Variants in PLAA observed in about 807,000 individuals in gnomAD.
PLAA encodes the protein phospholipase A-2-activating protein.
PLAA carries 48 observed loss-of-function variants against 84.1 expected under a neutral mutation model. The observed-to-expected ratio is 0.57, with a 90% CI of 0.45 to 0.73. The LOEUF is 0.73. Ranked by LOEUF, PLAA falls within the 30% of genes least tolerant of loss-of-function variation. The probability of loss-of-function intolerance (pLI) is 0.00; values close to 1 mark genes in which losing one functional copy is unlikely to be tolerated. For missense variants in PLAA, 903 were observed against 954.7 expected, an observed-to-expected ratio of 0.95 and a Z score of 0.71; for synonymous variants, 392 against 336.6, an observed-to-expected ratio of 1.16 and a Z score of -1.80.
rs977711467 is a variant in PLAA, at chr9:26,947,011, C to T, written c.35G>A (p.Cys12Tyr). The change falls in exon 1 of 14, where the codon TGC becomes TAC. Residue 12 changes from cysteine (C) to tyrosine (Y), a missense_variant. Physicochemically the swap from Cys to Tyr is radical, Grantham distance 194. Transcript: ENST00000397292. ...GTCCAGCTCGTGGCCCCGGAGCGAG[C>T]AGCTCAGCCGGTACCTGGTTGCGCC... The part of the protein sequence containing the change: ...TSGATRYRLS[C>Y]SLRGHELDVR... 4 of 1,593,024 alleles carry T rather than the reference C, an allele frequency of 2.5e-6. No homozygotes were observed. The highest frequency in any genetic ancestry group is 2.6e-6 in the Non-Finnish European group (3 of 1,170,626).
At chr9:26,934,614 G>A (rs1825300552) in intron 2 of PLAA, among the ~76,000 whole-genome samples, 1 of 151,582 alleles carries the variant, frequency 6.6e-6, no homozygotes, top group African/African-American at 2.4e-5. Context: ...TGAGTAGCTG[G>A]GATTACTGGT....
chr9:26,929,612 C>T (rs1227242435), intron 2 of PLAA, among the ~76,000 whole-genome samples: 2 of 152,192 alleles, frequency 1.3e-5, no homozygotes, highest in Admixed American at 6.5e-5. Context: ...AGTCTCTCTA[C>T]CCTGAGCTGA....
chr9:26,944,907 C>A (rs1309709659), intron 1 of PLAA, among the ~76,000 whole-genome samples: 1 of 152,184 alleles, frequency 6.6e-6, no homozygotes, highest in Non-Finnish European at 1.5e-5. Context: ...GTGGGCAGAT[C>A]ACCTGAGGTC....
chr9:26,930,226 T>A (rs949854756), intron 2 of PLAA, among the ~76,000 whole-genome samples: 23 of 151,678 alleles, frequency 1.5e-4, no homozygotes, highest in African/African-American at 4.8e-4. Flanking sequence ...TGCCTCAGCC[T>A]CCCGAGTGGC....
In PLAA at chr9:26,905,990, C is replaced by A. The variant is rs952658923; in HGVS notation, c.1909G>T (p.Ala637Ser). The A allele has an allele frequency of 2.5e-6, 4 of 1,613,700 alleles. No individual in the cohort carries two copies. The highest frequency in any genetic ancestry group is 3.4e-6 in the Non-Finnish European group (4 of 1,179,778). Residue 637 changes from alanine (A) to serine (S), a missense_variant, in exon 14 of 14, where the codon GCT becomes TCT. Transcript: ENST00000397292. ...TTGATAAGATGACTGCTGAACTGAG[C>A]CCCTTCCTTTTCATTGCAGAAGTTC... Reference protein sequence around the residue: ...NENFCNEKEGAQFSSHLINLL... With the variant: ...NENFCNEKEGSQFSSHLINLL...
At position 26,926,421 on chromosome 9, in the gene PLAA, A is replaced by G. The variant is rs1563913863; in HGVS notation, c.705T>C (p.Tyr235=). The G allele has an allele frequency of 6.2e-7, 1 of 1,608,092 alleles. No individual in the cohort carries two copies. Among genetic ancestry groups the G allele is most frequent in the South Asian group, 1.1e-5 (1 of 90,878 alleles). ...TACAATTTGGAAAAACGGATATGCTATAAATATAATTTGTATGTCCATAAT... is the reference window on the plus strand; with the variant it reads ...TACAATTTGGAAAAACGGATATGCTGTAAATATAATTTGTATGTCCATAAT... ...EVYYGHTNYI[Y]SISVFPNCRD... is the part of the protein sequence containing the mutation. The change falls in exon 5 of 14, where the codon TAT becomes TAC. Residue 235 remains tyrosine (Y), a synonymous_variant. Transcript: ENST00000397292.
At chr9:26,931,995 G>A (rs1257610119) in intron 2 of PLAA, among the ~76,000 whole-genome samples, 3 of 152,228 alleles carry the variant, frequency 2.0e-5, no homozygotes, top group East Asian at 1.9e-4. Context: ...GCAGAGGCAG[G>A]AGAATCACTT....
intron 10 of PLAA, among the ~76,000 whole-genome samples, chr9:26,914,284 TA>T (rs1487337456): frequency 6.6e-6 from 1 of 152,134 alleles, no homozygotes; most frequent in Non-Finnish European, 1.5e-5. Flanking sequence ...AACTAGCACA[TA>T]AGACAATTGG....
chr9:26,908,503 G>T (rs936958513), intron 12 of PLAA, among the ~76,000 whole-genome samples: 16 of 150,718 alleles, frequency 1.1e-4, no homozygotes, highest in African/African-American at 3.9e-4. Context: ...TCACTCTGTT[G>T]CCCAGGCTGG....
chr9:26,946,430 A>T (rs1825716009), intron 1 of PLAA, among the ~76,000 whole-genome samples: 1 of 152,054 alleles, frequency 6.6e-6, no homozygotes, highest in Admixed American at 6.5e-5. Context: ...ACCTGGACGA[A>T]AAGAGGATTC....
chr9:26,938,500 T>C (rs552276697), intron 1 of PLAA, among the ~76,000 whole-genome samples: 1 of 148,478 alleles, frequency 6.7e-6, no homozygotes, highest in East Asian at 2.0e-4. Context: ...TTAAGTGAGC[T>C]ATGACTGTAC....
At chr9:26,921,869 G>C (rs1003526113) in intron 7 of PLAA, among the ~76,000 whole-genome samples, 1 of 152,196 alleles carries the variant, frequency 6.6e-6, no homozygotes, top group South Asian at 2.1e-4. Context: ...CAAATGGGAA[G>C]CTACTAAGTT....
chr9:26,924,102 C>G (rs993194301), intron 6 of PLAA, among the ~76,000 whole-genome samples: 6 of 152,118 alleles, frequency 3.9e-5, no homozygotes, highest in Admixed American at 3.9e-4. Flanking sequence ...TTATTAGACC[C>G]TCTATCCCTT....
At chr9:26,938,481 G>T (rs1487780850) in intron 1 of PLAA, among the ~76,000 whole-genome samples, 1 of 150,180 alleles carries the variant, frequency 6.7e-6, no homozygotes, top group Non-Finnish European at 1.5e-5. Flanking sequence ...GAGCCTGGGA[G>T]TTTGAGACTT....
chr9:26,923,353 A>G lies in PLAA; in HGVS notation c.870-6T>C, dbSNP rs772809856. Reference sequence around the variant, plus strand: ...ACACTCTAATAATGCCATCACTGTAAGGAAAAATAAACTGATTTTAGAAGT... The same window carrying G: ...ACACTCTAATAATGCCATCACTGTAGGGAAAAATAAACTGATTTTAGAAGT... On this transcript the variant is annotated splice_region_variant and splice_polypyrimidine_tract_variant and intron_variant, in intron 6 of 13. Transcript: ENST00000397292. 1 of 1,589,484 alleles carries G rather than the reference A, an allele frequency of 6.3e-7. No homozygotes were observed. The highest frequency in any genetic ancestry group is 8.6e-7 in the Non-Finnish European group (1 of 1,162,994).
At chr9:26,926,964 C>G (rs1258178754) in intron 4 of PLAA, among the ~76,000 whole-genome samples, 1 of 151,754 alleles carries the variant, frequency 6.6e-6, no homozygotes, top group Admixed American at 6.6e-5. Context: ...TTCTCTGAAG[C>G]TTGTGAAGTC....
At chr9:26,935,914 G>A (rs551046290) in intron 1 of PLAA, among the ~76,000 whole-genome samples, 1 of 151,452 alleles carries the variant, frequency 6.6e-6, no homozygotes, top group South Asian at 2.1e-4. Flanking sequence ...ATTAATAATT[G>A]CACTGGGATT....
intron 2 of PLAA, among the ~76,000 whole-genome samples, chr9:26,930,106 A>ATTTT (rs746808419): frequency 3.6e-5 from 5 of 140,156 alleles, no homozygotes; most frequent in African/African-American, 1.0e-4. Flanking sequence ...TATTATTATT[A>ATTTT]TTTTTTTTTT....
chr9:26,928,643 A>C (rs969848857), intron 2 of PLAA, among the ~76,000 whole-genome samples: 1 of 152,246 alleles, frequency 6.6e-6, no homozygotes, highest in East Asian at 1.9e-4. Flanking sequence ...AACTGCAGAA[A>C]TATTACTCAA....
Sources: gnomAD v4.1 joint callset for allele counts (sites outside exome capture counted in the v4.1 genomes callset) on GRCh38, gnomAD v4.1.1 for gene constraint, MANE v1.5 for transcripts, NCBI Gene and HGNC (gene_info 2026-07-23, HGNC 2026-07-21) for gene names.